The following MRPS28 variants were observed in gnomAD, a reference collection of about 807,000 sequenced individuals.
The protein encoded by MRPS28 is mitochondrial ribosomal protein S28, also known as small ribosomal subunit protein bS1m.
Under a neutral mutation model 10.8 loss-of-function variants are expected in MRPS28, and 7 were observed. The ratio of observed to expected loss-of-function variants is 0.65; its 90% confidence interval spans 0.37 to 1.22. MRPS28 has a LOEUF of 1.22. MRPS28 is among the 50% of genes most tolerant of loss of function. MRPS28 has a pLI of 0.02. For synonymous variants in MRPS28, 121 were observed against 93.3 expected (o/e 1.30, Z -1.71); for missense variants, 265 against 232.9 (o/e 1.14, Z -0.90).
At chr8:79,966,995 A>G (rs1169423288) in intron 2 of MRPS28, among the ~76,000 whole-genome samples, 1 of 152,148 alleles carries the variant, frequency 6.6e-6, no homozygotes, top group Non-Finnish European at 1.5e-5. Context: ...TAAACTGTTG[A>G]GTAACTGCAT....
Position 80,029,524 on chromosome 8 carries a change from G to A in MRPS28, c.213+512C>T, listed in dbSNP as rs189172867. On this transcript the variant is annotated intron_variant, in intron 1 of 2. Coordinates refer to ENST00000276585, the MANE Select transcript of MRPS28 (RefSeq NM_014018.3). ...AAAAAGAAGACATTTACAAAAGAGA[G>A]GTGAAGCGCTGACAAGTTAAATCAC... is the stretch of plus-strand genomic sequence containing the variant. Among the ~76,000 whole-genome samples, 336 of 152,252 alleles carry A rather than the reference G, an allele frequency of 2.2e-3. 4 individuals carry two copies. The highest frequency in any genetic ancestry group is 7.8e-3 in the African/African-American group (322 of 41,528).
intron 2 of MRPS28, among the ~76,000 whole-genome samples, chr8:79,985,175 A>G (rs1318799927): frequency 6.6e-6 from 1 of 152,202 alleles, no homozygotes; most frequent in Non-Finnish European, 1.5e-5. Context: ...CTGAATGACT[A>G]CTGGGTACAT....
At chr8:80,012,853 C>T (rs1057101052) in intron 1 of MRPS28, among the ~76,000 whole-genome samples, 1 of 152,094 alleles carries the variant, frequency 6.6e-6, no homozygotes, top group Admixed American at 6.6e-5. Flanking sequence ...CATATATATA[C>T]CTATCATGCA....
At chr8:80,003,715 G>T (rs1284753098) in intron 1 of MRPS28, among the ~76,000 whole-genome samples, 1 of 152,160 alleles carries the variant, frequency 6.6e-6, no homozygotes, top group African/African-American at 2.4e-5. Flanking sequence ...AACGCAAGGG[G>T]TCAGGGAATT....
At chr8:79,979,567 A>T (rs1353796248) in intron 2 of MRPS28, among the ~76,000 whole-genome samples, 1 of 152,154 alleles carries the variant, frequency 6.6e-6, no homozygotes, top group Non-Finnish European at 1.5e-5. Context: ...TCTGTCACCC[A>T]GGCTGAAGTG....
chr8:80,010,788 G>C (rs1333720533), intron 1 of MRPS28, among the ~76,000 whole-genome samples: 25 of 152,230 alleles, frequency 1.6e-4, no homozygotes, highest in Admixed American at 1.6e-3. Context: ...TCAGGTGCTA[G>C]AGGGAGGGTA....
intron 2 of MRPS28, among the ~76,000 whole-genome samples, chr8:79,981,311 C>T (rs987740400): frequency 1.6e-4 from 24 of 152,036 alleles, no homozygotes; most frequent in African/African-American, 5.3e-4. Context: ...GGCAACACAG[C>T]GACACCCTGT....
chr8:79,937,267 C>G (rs1254053013), intron 2 of MRPS28, among the ~76,000 whole-genome samples: 1 of 152,204 alleles, frequency 6.6e-6, no homozygotes, highest in Non-Finnish European at 1.5e-5. Flanking sequence ...CATTTCTTCT[C>G]AAAAGTTACA....
intron 2 of MRPS28, among the ~76,000 whole-genome samples, chr8:79,924,963 G>A (rs1232797087): frequency 4.6e-5 from 7 of 152,196 alleles, no homozygotes; most frequent in African/African-American, 1.7e-4. Flanking sequence ...TTTAAACTAT[G>A]TGTTTTAGTA....
intron 2 of MRPS28, among the ~76,000 whole-genome samples, chr8:79,951,118 G>A (rs2129969824): frequency 2.0e-5 from 3 of 152,242 alleles, no homozygotes; most frequent in Admixed American, 2.0e-4. Context: ...CCAGTGCTTG[G>A]GTTTATTAAT....
chr8:79,933,044 T>C (rs1326183486), intron 2 of MRPS28, among the ~76,000 whole-genome samples: 2 of 152,244 alleles, frequency 1.3e-5, no homozygotes, highest in Non-Finnish European at 2.9e-5. Flanking sequence ...AGATGTGCAG[T>C]GGGATCTGGG....
intron 2 of MRPS28, among the ~76,000 whole-genome samples, chr8:79,985,935 C>T (rs879369496): frequency 1.3e-3 from 199 of 152,238 alleles, no homozygotes; most frequent in Non-Finnish European, 2.5e-3. Context: ...ATGAGGCCAG[C>T]ATCATCCTGA....
At chr8:80,009,532 C>G (rs1808968151) in intron 1 of MRPS28, among the ~76,000 whole-genome samples, 1 of 152,012 alleles carries the variant, frequency 6.6e-6, no homozygotes, top group African/African-American at 2.4e-5. Flanking sequence ...AGGAGAATCA[C>G]TTGAACTCAG....
chr8:79,966,670 G>C (rs943607631), intron 2 of MRPS28, among the ~76,000 whole-genome samples: 6 of 152,036 alleles, frequency 3.9e-5, no homozygotes, highest in African/African-American at 1.2e-4. Context: ...ATAACAGCAT[G>C]ATATAATCTT....
At chr8:80,007,888 C>T (rs1469846609) in intron 1 of MRPS28, among the ~76,000 whole-genome samples, 2 of 152,126 alleles carry the variant, frequency 1.3e-5, no homozygotes, top group Non-Finnish European at 2.9e-5. Flanking sequence ...CATCAAGCTA[C>T]CAATGACTTT....
At chr8:80,012,567 C>T (rs983318785) in intron 1 of MRPS28, among the ~76,000 whole-genome samples, 6 of 152,162 alleles carry the variant, frequency 3.9e-5, no homozygotes, top group African/African-American at 1.4e-4. Flanking sequence ...CAGTGCCTAA[C>T]CCTGGAAAAT....
chr8:79,942,594 CTG>C (rs1806797962), intron 2 of MRPS28, among the ~76,000 whole-genome samples: 1 of 152,136 alleles, frequency 6.6e-6, no homozygotes, highest in Non-Finnish European at 1.5e-5. Flanking sequence ...TTCTAGAAGT[CTG>C]GAGTCAGAGT....
At position 80,003,097 on chromosome 8, in the gene MRPS28, C is replaced by G. The variant is rs767929628; in HGVS notation, c.297G>C (p.Leu99=). Residue 99 remains leucine (L), a synonymous_variant, in exon 2 of 3, where the codon CTG becomes CTC. Coordinates refer to ENST00000276585, the MANE Select transcript of MRPS28 (RefSeq NM_014018.3). ...CAATATGAAAGATCCGTCCAATGAC[C>G]AGTTTATCCTTTGCAGGTCCCATCT... ...LTQMGPAKDK[L]VIGRIFHIVE... is the part of the protein sequence containing the mutation. The G allele has an allele frequency of 1.2e-5, 19 of 1,613,562 alleles. No individual in the cohort carries two copies. Among genetic ancestry groups the G allele is most frequent in the Middle Eastern group, 1.7e-4 (1 of 6,058 alleles).
In MRPS28 at chr8:79,969,072, T is replaced by C. The variant is rs553210242; in HGVS notation, c.395+33927A>G. 2.5e-4 allele frequency among the ~76,000 whole-genome samples: 38 copies of C among 152,340 alleles called. No individual in the cohort carries two copies. In the South Asian group the frequency reaches 7.2e-3, roughly 29 times the overall value. The stretch of plus-strand genomic sequence containing the variant: ...ACCCTAGCAAATGATCCTTAAATAT[T>C]AGCTTCGTGTTTAAGAGTTATTCCT... On this transcript the variant is annotated intron_variant, in intron 2 of 2. Transcript: ENST00000276585.
Sources: allele counts gnomAD v4.1 joint callset (sites outside exome capture counted in the v4.1 genomes callset), GRCh38; gene constraint gnomAD v4.1.1; transcripts MANE v1.5; gene names NCBI Gene and HGNC (gene_info 2026-07-23, HGNC 2026-07-21).